CCSAP: variants seen among roughly 807,000 people sequenced by gnomAD.
CCSAP encodes the protein centriole, cilia and spindle-associated protein.
Under a neutral mutation model 25.9 loss-of-function variants are expected in CCSAP, and 17 were observed. The observed-to-expected ratio is 0.66, with a 90% CI of 0.45 to 0.99. The LOEUF is 0.99. Among genes scored for constraint, CCSAP ranks in the 50% least tolerant of loss-of-function variants. CCSAP has a pLI of 0.00. For synonymous variants in CCSAP, 169 were observed against 157.1 expected (o/e 1.08, Z -0.57); for missense variants, 339 against 367.8 (o/e 0.92, Z 0.64).
At chr1:229,333,965 CA>C (rs1207193457) in intron 2 of CCSAP, among the ~76,000 whole-genome samples, 2 of 152,222 alleles carry the variant, frequency 1.3e-5, no homozygotes, top group Non-Finnish European at 2.9e-5. Context: ...CACCATTTTC[CA>C]AAATTCCAAG....
chr1:229,337,132 T>A (rs1337715491), intron 2 of CCSAP, among the ~76,000 whole-genome samples: 1 of 151,954 alleles, frequency 6.6e-6, no homozygotes, highest in East Asian at 1.9e-4. Context: ...GAAATATCAC[T>A]GAACTGAAAG....
chr1:229,342,192 C>T lies in CCSAP; in HGVS notation c.274G>A (p.Glu92Lys). 1 of 1,266,534 alleles carries T rather than the reference C, an allele frequency of 7.9e-7. No individual in the cohort carries two copies. Among genetic ancestry groups the T allele is most frequent in the East Asian group, 3.1e-5 (1 of 31,808 alleles). 78.5% of individuals were successfully genotyped at this position (1,266,534 alleles called of 1,614,324 possible). ...PPPVEPATQE[E>K]AERRARGAPE... ...GCCCCGCGCGCCCGCCGTTCCGCCT[C>T]CTCCTGGGTCGCCGGCTCTACGGGC... Residue 92 changes from glutamate to lysine, a missense_variant, in exon 2 of 4, where the codon GAG (glutamate) becomes AAG (lysine). Physicochemically the swap from Glu to Lys is moderately conservative, Grantham distance 56. Transcript: ENST00000284617. This position sits in a 1 kb window ranked among gnomAD's most constrained non-coding sequence, Gnocchi z 7.5.
intron 2 of CCSAP, among the ~76,000 whole-genome samples, chr1:229,327,849 CAGAG>C (rs1657981004): frequency 7.6e-6 from 1 of 131,804 alleles, no homozygotes; most frequent in African/African-American, 2.9e-5. Flanking sequence ...AGCCTGGTGA[CAGAG>C]AAAGACTCCG....
intron 2 of CCSAP, chr1:229,327,310 T>C: frequency 2.7e-6 from 1 of 365,562 alleles, no homozygotes; most frequent in Admixed American, 3.8e-5. Flanking sequence ...CACCACACCC[T>C]AAGGGCTTTC....
chr1:229,325,227 G>T lies in CCSAP; in HGVS notation c.*8C>A, dbSNP rs768451855. 1 of 1,585,334 alleles carries T rather than the reference G, an allele frequency of 6.3e-7. No individual in the cohort carries two copies. The highest frequency in any genetic ancestry group is 1.9e-5 in the Admixed American group (1 of 51,748). On this transcript the variant is annotated 3_prime_UTR_variant, in exon 4 of 4. Transcript: ENST00000284617. ...TTTTTAAAAGAGGCTGTCCACGCAA[G>T]TGTTTCTTTAAGCTCTTGCCGAATA...
chr1:229,333,852 G>A (rs1658137712), intron 2 of CCSAP, among the ~76,000 whole-genome samples: 1 of 152,114 alleles, frequency 6.6e-6, no homozygotes, highest in Admixed American at 6.5e-5. Flanking sequence ...CTGCACTCCA[G>A]CCTGAGTGAC....
intron 2 of CCSAP, chr1:229,327,297 C>T: frequency 2.9e-6 from 1 of 342,106 alleles, no homozygotes; most frequent in South Asian, 2.7e-5. Flanking sequence ...AAAAGATAGA[C>T]AGCACCACAC....
chr1:229,333,358 G>A (rs1002176259), intron 2 of CCSAP, among the ~76,000 whole-genome samples: 3 of 150,154 alleles, frequency 2.0e-5, no homozygotes, highest in Admixed American at 1.3e-4. Flanking sequence ...GCGTGAACCC[G>A]GGAGGCGGAG....
At chr1:229,340,487 T>A in intron 2 of CCSAP, 1 of 710,626 alleles carries the variant, frequency 1.4e-6, no homozygotes, top group Non-Finnish European at 2.6e-6. Context: ...GACAACTCCA[T>A]CACAAACAAT....
chr1:229,332,438 T>C (rs1291190220), intron 2 of CCSAP, among the ~76,000 whole-genome samples: 3 of 152,208 alleles, frequency 2.0e-5, no homozygotes, highest in Non-Finnish European at 4.4e-5. Context: ...TTCAGAAGTC[T>C]GTGTTGATTG....
intron 3 of CCSAP, 81 bp from the exon 4 acceptor site, chr1:229,325,492 T>C: frequency 7.5e-7 from 1 of 1,340,438 alleles, no homozygotes; most frequent in Non-Finnish European, 1.0e-6. Flanking sequence ...TGAAGCTGGC[T>C]ACTGCCAGGT....
rs1358249469 is a variant in CCSAP, at chr1:229,335,431, C to T, written c.367+6668G>A. 2.0e-5 allele frequency among the ~76,000 whole-genome samples: 3 copies of T among 152,182 alleles called. No homozygotes were observed. The East Asian group carries it at 5.8e-4, about 29-fold the overall frequency. On this transcript the variant is annotated intron_variant, in intron 2 of 3. Transcript: ENST00000284617. ...CAGCATCAATCAGCACCCCAGCCCT[C>T]GTGCTCTTCTGACTATAATATGGAC...
chr1:229,326,686 C>T, intron 3 of CCSAP, 52 bp downstream of exon 3: 1 of 1,600,606 alleles, frequency 6.2e-7, no homozygotes, highest in Non-Finnish European at 8.5e-7. Flanking sequence ...GGCGCATGGC[C>T]CAGCTGGCCA....
chr1:229,340,506 G>A (rs1272661745), intron 2 of CCSAP: 10 of 707,324 alleles, frequency 1.4e-5, no homozygotes, highest in East Asian at 5.4e-5. Flanking sequence ...ATAAAAGATC[G>A]GGGAGAGAAA....
intron 2 of CCSAP, among the ~76,000 whole-genome samples, chr1:229,336,642 GC>G (rs1326777179): frequency 6.6e-6 from 1 of 152,084 alleles, no homozygotes; most frequent in African/African-American, 2.4e-5. Context: ...GCTCTTCCAG[GC>G]CTTACTCTTA....
At chr1:229,333,409 G>T (rs1439415929) in intron 2 of CCSAP, among the ~76,000 whole-genome samples, 2 of 146,184 alleles carry the variant, frequency 1.4e-5, no homozygotes, top group Middle Eastern at 3.6e-3. Context: ...CTCCAGCCTG[G>T]GCGACAGAGC....
In CCSAP at chr1:229,321,551, A is replaced by G. The variant is rs1046297369; in HGVS notation, c.*3684T>C. 13 of 152,240 alleles carry G rather than the reference A, an allele frequency of 8.5e-5. No homozygotes were observed. Among genetic ancestry groups the G allele is most frequent in the African/African-American group, 2.7e-4 (11 of 41,456 alleles). 9.4% of individuals were successfully genotyped at this position (152,240 alleles called of 1,614,324 possible). On this transcript the variant is annotated 3_prime_UTR_variant, in exon 4 of 4. Coordinates refer to ENST00000284617, the MANE Select transcript of CCSAP (RefSeq NM_145257.5). ...ATATCATTTTACTGATCACAAAATTATATAATAAGGATCTTATATGGGTTA... is the reference window on the plus strand; with the variant it reads ...ATATCATTTTACTGATCACAAAATTGTATAATAAGGATCTTATATGGGTTA...
In CCSAP at chr1:229,331,787, T is replaced by A. The variant is rs868637841; in HGVS notation, c.368-4781A>T. Among the ~76,000 whole-genome samples, 245 of 140,638 alleles carry A rather than the reference T, an allele frequency of 1.7e-3. 1 individual carries two copies. The highest frequency in any genetic ancestry group is 5.6e-3 in the African/African-American group (212 of 38,152). 92.3% of individuals were successfully genotyped at this position (140,638 alleles called of 152,430 possible). A position where few individuals can be genotyped will look rare whatever the true frequency, so the allele number is the denominator to read the frequency against. On this transcript the variant is annotated intron_variant, in intron 2 of 3. Transcript: ENST00000284617. ...TCATCTGTGTCCTTTCTAATATCCT[T>A]TTATTATTATTATTATTATTATTAT...
In CCSAP at chr1:229,324,238, GTCTA is replaced by G. The variant is rs920086601; in HGVS notation, c.*993_*996del. 6.6e-6 allele frequency: 1 copy of G among 152,500 alleles called. No homozygotes were observed. The highest frequency in any genetic ancestry group is 1.5e-5 in the Non-Finnish European group (1 of 68,032). 9.4% of individuals were successfully genotyped at this position (152,500 alleles called of 1,614,324 possible). On this transcript the variant is annotated 3_prime_UTR_variant, in exon 4 of 4. Transcript: ENST00000284617. ...GAAAAAGAGAAAGTAGGGGTGGGCA[GTCTA>G]TCTAACAGGCATCTTCACACTGGTC...
Sources: allele counts gnomAD v4.1 joint callset (sites outside exome capture counted in the v4.1 genomes callset), GRCh38; gene constraint gnomAD v4.1.1; non-coding constraint Gnocchi (gnomAD v3.1); transcripts MANE v1.5; gene names NCBI Gene and HGNC (gene_info 2026-07-23, HGNC 2026-07-21).